Variants in SPATA9 observed in about 807,000 individuals in gnomAD.
SPATA9 encodes the protein spermatogenesis associated 9, also known as spermatogenesis-associated protein 9.
SPATA9 carries 27 observed loss-of-function variants against 25.5 expected under a neutral mutation model. The ratio of observed to expected loss-of-function variants is 1.06; its 90% confidence interval spans 0.78 to 1.46. The LOEUF is 1.46. Among genes scored for constraint, SPATA9 ranks in the 40% most tolerant of loss-of-function variants. The probability of loss-of-function intolerance (pLI) is 0.00; values close to 1 mark genes in which losing one functional copy is unlikely to be tolerated. For missense variants in SPATA9, 282 were observed against 297.5 expected, an observed-to-expected ratio of 0.95 and a Z score of 0.38; for synonymous variants, 102 against 105.7, an observed-to-expected ratio of 0.97 and a Z score of 0.21.
In SPATA9 at chr5:95,661,057, G is replaced by A. The variant is rs370252164; in HGVS notation, c.475-2144C>T. 5.9e-5 allele frequency among the ~76,000 whole-genome samples: 9 copies of A among 151,944 alleles called. No homozygotes were observed. The East Asian group carries it at 9.6e-4, about 16-fold the overall frequency. The stretch of plus-strand genomic sequence containing the variant: ...TCTGTCTTCCTTATCCAGTTATGCC[G>A]CTGAAATCATTTTTGAGATGGTTAA... On this transcript the variant is annotated intron_variant, in intron 4 of 4. Coordinates refer to ENST00000274432, the MANE Select transcript of SPATA9 (RefSeq NM_031952.4).
chr5:95,681,572 T>C (rs533215069), intron 2 of SPATA9, among the ~76,000 whole-genome samples: 1 of 152,298 alleles, frequency 6.6e-6, no homozygotes, highest in South Asian at 2.1e-4. Context: ...CTATCTCCAT[T>C]AGATTAAGCT....
At chr5:95,663,803 A>C in intron 4 of SPATA9, 150 bp downstream of exon 4, 1 of 438,708 alleles carries the variant, frequency 2.3e-6, no homozygotes. Context: ...GGCTCATCAG[A>C]AAAGGAAATT....
At chr5:95,674,867 A>G in intron 3 of SPATA9, 3 of 448,350 alleles carry the variant, frequency 6.7e-6, no homozygotes, top group South Asian at 4.8e-5. Context: ...TTGTAGTGAC[A>G]TTTAGGATGC....
At chr5:95,680,269 AT>A (rs1753329521) in intron 2 of SPATA9, among the ~76,000 whole-genome samples, 1 of 152,318 alleles carries the variant, frequency 6.6e-6, no homozygotes, top group Non-Finnish European at 1.5e-5. Flanking sequence ...ATTACCTTCT[AT>A]TCAGAACAGA....
chr5:95,688,684 T>C (rs1014951451), intron 1 of SPATA9, among the ~76,000 whole-genome samples: 20 of 152,002 alleles, frequency 1.3e-4, no homozygotes, highest in Non-Finnish European at 1.2e-4. Flanking sequence ...CATGGACATA[T>C]AGAGTGGAAT....
chr5:95,675,437 G>A lies in SPATA9; in HGVS notation c.353C>T (p.Pro118Leu), dbSNP rs759120942. Residue 118 changes from proline to leucine, a missense_variant, in exon 3 of 5, where the codon CCG becomes CTG. Pro to Leu is a moderately conservative substitution (Grantham distance 98). Coordinates refer to ENST00000274432, the MANE Select transcript of SPATA9 (RefSeq NM_031952.4). ...CTGAATGTTATATAGGGGTTGCCTC[G>A]GCGCATTAACTTCCCTCAGCAGACG... ...SGRLLREVNAPRQPLYNIQVR... is the reference protein window; with the variant it reads ...SGRLLREVNALRQPLYNIQVR... 182 of 1,613,852 alleles carry A rather than the reference G, an allele frequency of 1.1e-4. No individual in the cohort carries two copies. The highest frequency in any genetic ancestry group is 1.4e-4 in the Non-Finnish European group (169 of 1,179,986).
At chr5:95,678,853 T>C (rs1753177978) in intron 2 of SPATA9, among the ~76,000 whole-genome samples, 1 of 152,202 alleles carries the variant, frequency 6.6e-6, no homozygotes, top group African/African-American at 2.4e-5. Context: ...TGTGATAATA[T>C]CCCCTAACTA....
At chr5:95,695,944 C>T (rs1183508148) in intron 1 of SPATA9, among the ~76,000 whole-genome samples, 1 of 152,168 alleles carries the variant, frequency 6.6e-6, no homozygotes, top group Non-Finnish European at 1.5e-5. Context: ...TCTGAATCCC[C>T]ATCTCTCTCT....
intron 3 of SPATA9, among the ~76,000 whole-genome samples, chr5:95,667,904 T>C (rs771877230): frequency 3.3e-5 from 5 of 152,104 alleles, no homozygotes; most frequent in Non-Finnish European, 5.9e-5. Flanking sequence ...TGATATCTAG[T>C]TGTATAAAAG....
At chr5:95,708,740 T>C in the SPATA9 span, 6 of 671,414 alleles carry the variant, frequency 8.9e-6, no homozygotes, top group Non-Finnish European at 1.6e-5. Context: ...TCTTCATGGG[T>C]GCGAGCTGGC....
At chr5:95,683,102 G>A, upstream of SPATA9, 3 of 879,436 alleles carry the variant, frequency 3.4e-6, no homozygotes, top group Non-Finnish European at 4.5e-6. Context: ...CATAAGGGAA[G>A]GAGTGAGGGG....
At chr5:95,653,485 T>A (rs1750488572), downstream of SPATA9, among the ~76,000 whole-genome samples, 1 of 152,240 alleles carries the variant, frequency 6.6e-6, no homozygotes, top group African/African-American at 2.4e-5. Flanking sequence ...GTTCTGAAAT[T>A]TCCTTCTTGA....
intron 1 of SPATA9, among the ~76,000 whole-genome samples, chr5:95,691,215 C>CAA (rs35098619): frequency 0.57 from 78,392 of 138,590 alleles, 21,752 homozygotes; most frequent in East Asian, 0.76. Flanking sequence ...GACTCCGTCT[C>CAA]AAAAAAAAAA....
chr5:95,674,552 A>G, intron 3 of SPATA9: 1 of 275,838 alleles, frequency 3.6e-6, no homozygotes, highest in Non-Finnish European at 7.2e-6. Flanking sequence ...CTGGAAGATT[A>G]TAGCCAAGGA....
the SPATA9 span, among the ~76,000 whole-genome samples, chr5:95,709,215 C>T: frequency 7.9e-5 from 12 of 152,140 alleles, no homozygotes; most frequent in African/African-American, 2.4e-4. Flanking sequence ...ATGGGCTCCT[C>T]GAACAAGTGG....
At chr5:95,724,548 C>T in the SPATA9 span, among the ~76,000 whole-genome samples, 2 of 152,108 alleles carry the variant, frequency 1.3e-5, no homozygotes, top group Non-Finnish European at 2.9e-5. Context: ...GACCCTGGGG[C>T]CAATTGTCTG....
chr5:95,679,993 G>A (rs153907), intron 2 of SPATA9, among the ~76,000 whole-genome samples: 57,349 of 152,130 alleles, frequency 0.38, 10,968 homozygotes, highest in Non-Finnish European at 0.41. Context: ...CGCCTACCAG[G>A]TTCACGCCAT....
intron 3 of SPATA9, among the ~76,000 whole-genome samples, chr5:95,671,529 C>T (rs552464211): frequency 9.2e-5 from 14 of 152,236 alleles, no homozygotes; most frequent in African/African-American, 3.4e-4. Context: ...CCTGCCTCAG[C>T]CTCCTGAGTA....
chr5:95,706,367 T>C, the SPATA9 span, among the ~76,000 whole-genome samples: 2 of 151,566 alleles, frequency 1.3e-5, no homozygotes, highest in Non-Finnish European at 2.9e-5. Flanking sequence ...TCTGGTTGGT[T>C]AAAAGTGTGT....
Sources: gnomAD v4.1 joint callset for allele counts (sites outside exome capture counted in the v4.1 genomes callset) on GRCh38, gnomAD v4.1.1 for gene constraint, MANE v1.5 for transcripts, NCBI Gene and HGNC (gene_info 2026-07-23, HGNC 2026-07-21) for gene names.